Variants in VMP1 observed in about 807,000 individuals in gnomAD.
The protein encoded by VMP1 is ectopic P-granules autophagy protein 3 homolog.
A neutral mutation model predicts 56.0 loss-of-function variants in VMP1; 11 were observed. That is an observed-to-expected ratio of 0.20 (90% confidence interval 0.12 to 0.32). The LOEUF is 0.32. Ranked by LOEUF, VMP1 falls within the 10% of genes least tolerant of loss-of-function variation. The pLI is 1.00. For missense variants in VMP1, 296 were observed against 490.3 expected, an observed-to-expected ratio of 0.60 and a Z score of 3.74; for synonymous variants, 149 against 165.0, an observed-to-expected ratio of 0.90 and a Z score of 0.74.
At chr17:59,801,415 GT>G (rs201691308) in intron 7 of VMP1, among the ~76,000 whole-genome samples, 16 of 143,526 alleles carry the variant, frequency 1.1e-4, no homozygotes, top group Admixed American at 2.8e-4. Flanking sequence ...CCAGCTAATT[GT>G]TTTTTTTTTT....
intron 7 of VMP1, among the ~76,000 whole-genome samples, chr17:59,799,121 C>T (rs2037549210): frequency 1.1e-4 from 17 of 152,128 alleles, no homozygotes; most frequent in Admixed American, 1.1e-3. Context: ...TCAGATCCTT[C>T]TTTGCTTCTG....
At chr17:59,773,312 G>C (rs1022152526) in intron 6 of VMP1, among the ~76,000 whole-genome samples, 24 of 151,462 alleles carry the variant, frequency 1.6e-4, no homozygotes, top group African/African-American at 5.6e-4. Flanking sequence ...GGTGGGGGGG[G>C]GCAAATGATA....
At chr17:59,816,449 A>T (rs948713158) in intron 9 of VMP1, among the ~76,000 whole-genome samples, 1 of 152,368 alleles carries the variant, frequency 6.6e-6, no homozygotes, top group Admixed American at 6.5e-5. Flanking sequence ...TCTTCTTGCC[A>T]GAAATAATGT....
intron 1 of VMP1, among the ~76,000 whole-genome samples, chr17:59,723,515 C>T (rs749387632): frequency 7.2e-5 from 11 of 152,180 alleles, no homozygotes; most frequent in East Asian, 3.9e-4. Flanking sequence ...TGGAGGTAAT[C>T]GATAATCTTC....
intron 3 of VMP1, among the ~76,000 whole-genome samples, chr17:59,736,922 T>A (rs2035039811): frequency 6.6e-6 from 1 of 152,094 alleles, no homozygotes; most frequent in African/African-American, 2.4e-5. Context: ...ACACCTATAG[T>A]CCTAGCAACT....
chr17:59,794,236 T>C (rs908588601), intron 7 of VMP1, among the ~76,000 whole-genome samples: 1 of 144,180 alleles, frequency 6.9e-6, no homozygotes, highest in Non-Finnish European at 1.5e-5. Context: ...TTTTTTTTTT[T>C]TTTTGAGACA....
chr17:59,781,886 A>G (rs1389284769), intron 7 of VMP1, among the ~76,000 whole-genome samples: 4 of 151,850 alleles, frequency 2.6e-5, no homozygotes, highest in African/African-American at 9.7e-5. Flanking sequence ...TAGTTTTTCC[A>G]TGTCATTTAC....
At chr17:59,817,233 C>G (rs970505831) in intron 9 of VMP1, among the ~76,000 whole-genome samples, 2 of 79,784 alleles carry the variant, frequency 2.5e-5, no homozygotes, top group African/African-American at 4.8e-5. Context: ...GAGATCACGC[C>G]ATGGCACTCC....
At chr17:59,726,292 T>TG (rs71145566) in intron 1 of VMP1, among the ~76,000 whole-genome samples, 3 of 53,458 alleles carry the variant, frequency 5.6e-5, no homozygotes, top group African/African-American at 1.1e-4. Context: ...GTTTTTTTTG[T>TG]TTTTTTTTTT....
chr17:59,822,735 A>G (rs750339229), intron 10 of VMP1, among the ~76,000 whole-genome samples: 1 of 152,180 alleles, frequency 6.6e-6, no homozygotes, highest in East Asian at 1.9e-4. Context: ...AGACCCAAAT[A>G]TATGATTTCA....
chr17:59,779,540 T>C (rs541271549), intron 7 of VMP1, among the ~76,000 whole-genome samples: 2 of 152,212 alleles, frequency 1.3e-5, no homozygotes, highest in Admixed American at 6.5e-5. Flanking sequence ...TATAATCTTT[T>C]CTTCTGTTTG....
chr17:59,809,027 C>T (rs2144214147), intron 8 of VMP1, 151 bp downstream of exon 8: 2 of 645,758 alleles, frequency 3.1e-6, no homozygotes, highest in East Asian at 3.0e-5. Flanking sequence ...AAGACGGAGT[C>T]TCCCTCTTGT....
At chr17:59,755,593 A>G (rs568609886) in intron 5 of VMP1, among the ~76,000 whole-genome samples, 6 of 152,274 alleles carry the variant, frequency 3.9e-5, no homozygotes, top group African/African-American at 1.4e-4. Context: ...GGTAACAAGC[A>G]TTATTAGGCT....
Position 59,798,662 on chromosome 17 carries a change from G to A in VMP1, c.715-10134G>A, listed in dbSNP as rs541784784. On this transcript the variant is annotated intron_variant, in intron 7 of 11. Transcript: ENST00000262291. The stretch of plus-strand genomic sequence containing the variant: ...AGCACTCTGGGAGGCCAAGGCAGGC[G>A]GATCACCTGAGGTCGGGAGTTCCAG... Among the ~76,000 whole-genome samples, 10 of 152,324 alleles carry A rather than the reference G, an allele frequency of 6.6e-5. No individual in the cohort carries two copies. The East Asian group carries it at 1.5e-3, about 23-fold the overall frequency.
chr17:59,809,004 T>A (rs1016360060), intron 8 of VMP1, 128 bp downstream of exon 8: 3 of 205,710 alleles, frequency 1.5e-5, no homozygotes, highest in Non-Finnish European at 2.7e-5. Flanking sequence ...ATCATTCACC[T>A]TTTTTTTTTT....
chr17:59,798,035 C>T (rs2665404), intron 7 of VMP1, among the ~76,000 whole-genome samples: 64,060 of 152,066 alleles, frequency 0.42, 15,398 homozygotes, highest in Non-Finnish European at 0.54. Flanking sequence ...CGGTAATGTT[C>T]TGTATCTGGA....
chr17:59,762,234 A>G (rs1483131534), intron 5 of VMP1, among the ~76,000 whole-genome samples: 2 of 152,204 alleles, frequency 1.3e-5, no homozygotes, highest in Non-Finnish European at 2.9e-5. Context: ...CTCCCACAAG[A>G]GTTGGAACCT....
chr17:59,727,036 C>T (rs2034633500), intron 1 of VMP1, among the ~76,000 whole-genome samples: 1 of 152,162 alleles, frequency 6.6e-6, no homozygotes, highest in Non-Finnish European at 1.5e-5. Context: ...TAATCCTCAA[C>T]CCTCTGATGT....
At chr17:59,762,124 T>G (rs2036077556) in intron 5 of VMP1, among the ~76,000 whole-genome samples, 1 of 152,216 alleles carries the variant, frequency 6.6e-6, no homozygotes. Flanking sequence ...TTTGTCCAGT[T>G]TTCTAATTGT....
Sources: allele counts gnomAD v4.1 joint callset (sites outside exome capture counted in the v4.1 genomes callset), GRCh38; gene constraint gnomAD v4.1.1; transcripts MANE v1.5; gene names NCBI Gene and HGNC (gene_info 2026-07-23, HGNC 2026-07-21).